The following MMP15 variants were observed in gnomAD, a reference collection of about 807,000 sequenced individuals.
MMP15 encodes the protein matrix metallopeptidase 15, also known as matrix metalloproteinase-15.
In MMP15, 36 loss-of-function variants were observed where a neutral mutation model predicts 65.0. That is an observed-to-expected ratio of 0.55 (90% CI 0.42 to 0.73). The LOEUF (loss-of-function observed/expected upper bound fraction) is 0.73, where lower values mean the gene tolerates loss of function less well. MMP15 is among the 30% of genes least tolerant of loss of function. The probability of loss-of-function intolerance (pLI) is 0.00; values close to 1 mark genes in which losing one functional copy is unlikely to be tolerated. For missense variants in MMP15, 870 were observed against 987.8 expected (o/e 0.88, Z 1.60); for synonymous variants, 428 against 410.2 (o/e 1.04, Z -0.52).
At position 58,043,588 on chromosome 16, in the gene MMP15, C is replaced by G; in HGVS notation, c.1531C>G (p.Pro511Ala). Residue 511 changes from proline (P) to alanine (A), a missense_variant, in exon 9 of 10, where the codon CCT (proline) becomes GCT (alanine). Pro to Ala is a conservative substitution (Grantham distance 27, BLOSUM62 -1). Coordinates refer to ENST00000219271, the MANE Select transcript of MMP15 (RefSeq NM_002428.4). ...GCCCATCAGTGTCTGGCAGGGGATC[C>G]CTGCCTCCCCTAAAGGGGCCTTCCT... ...PKPISVWQGIPASPKGAFLSN... is the reference protein window; with the variant it reads ...PKPISVWQGIAASPKGAFLSN... The G allele has an allele frequency of 6.2e-7, 1 of 1,613,448 alleles. No individual in the cohort carries two copies. Among genetic ancestry groups the G allele is most frequent in the Non-Finnish European group, 8.5e-7 (1 of 1,179,734 alleles).
intron 4 of MMP15, 118 bp from the exon 5 acceptor site, chr16:58,040,419 T>C: frequency 1.5e-6 from 2 of 1,314,588 alleles, no homozygotes; most frequent in Non-Finnish European, 2.1e-6. Context: ...GAGCTCAGCC[T>C]CTTCCAAGAG....
chr16:58,040,757 G>A lies in MMP15; in HGVS notation c.910+59G>A, dbSNP rs41353144. ...CGCTCTCAAGTCCCTGGCCAATGAG[G>A]AGTAGGCATTGCTGCCATCCCCATT... On this transcript the variant is annotated intron_variant, in intron 5 of 9. Transcript: ENST00000219271. The A allele has an allele frequency of 2.1e-3, 3,326 of 1,609,218 alleles. 12 individuals carry two copies. Among genetic ancestry groups the A allele is most frequent in the South Asian group, 3.5e-3 (319 of 91,018 alleles).
At chr16:58,029,103 C>T (rs1963863023) in intron 1 of MMP15, among the ~76,000 whole-genome samples, 2 of 152,330 alleles carry the variant, frequency 1.3e-5, no homozygotes, top group South Asian at 4.1e-4. Flanking sequence ...GGTGCCACCA[C>T]CACCAAAACC....
intron 3 of MMP15, among the ~76,000 whole-genome samples, chr16:58,039,270 TA>T (rs1158211651): frequency 1.3e-5 from 2 of 152,156 alleles, no homozygotes; most frequent in East Asian, 3.9e-4. Flanking sequence ...CCGTCTCTAC[TA>T]AAAATACAAA....
At chr16:58,031,963 G>A (rs952255515) in intron 1 of MMP15, among the ~76,000 whole-genome samples, 3 of 140,094 alleles carry the variant, frequency 2.1e-5, no homozygotes, top group African/African-American at 8.2e-5. Context: ...CGCCTCCCAG[G>A]TTCAGGCAAT....
In MMP15 at chr16:58,041,850, G is replaced by C; in HGVS notation, c.1144G>C (p.Gly382Arg). The change falls in exon 6 of 10, where the codon GGG becomes CGG. Residue 382 changes from glycine (G) to arginine (R), a missense_variant. Transcript: ENST00000219271. ...GDFDTVAMLRGEMFVFKGRWF... is the reference protein window; with the variant it reads ...GDFDTVAMLRREMFVFKGRWF... ...CTTTGACACAGTGGCCATGCTTCGC[G>C]GGGAGATGTTCGTGTTCAAGGTCTG... 6 of 1,599,044 alleles carry C rather than the reference G, an allele frequency of 3.8e-6. No individual in the cohort carries two copies. The highest frequency in any genetic ancestry group is 3.3e-4 in the Middle Eastern group (2 of 5,974).
intron 4 of MMP15, 97 bp downstream of exon 4, chr16:58,040,279 G>C (rs1959424850): frequency 7.7e-7 from 1 of 1,293,120 alleles, no homozygotes; most frequent in East Asian, 2.5e-5. Flanking sequence ...GGGGCTGGGA[G>C]GAGAGAGTTC....
At chr16:58,039,533 G>A (rs1959404867) in intron 3 of MMP15, among the ~76,000 whole-genome samples, 3 of 152,220 alleles carry the variant, frequency 2.0e-5, no homozygotes, top group Non-Finnish European at 2.9e-5. Flanking sequence ...GCCTGACCCT[G>A]GAGCTCAACA....
rs968164035 is a variant in MMP15, at chr16:58,040,586, G to T, written c.798G>T (p.Gly266=). ...TGCATGAGCTGGGCCACGCGCTGGG[G>T]CTGGAGCACTCCAGCAACCCCAATG... ...VAVHELGHAL[G]LEHSSNPNAI... is the part of the protein sequence containing the mutation. Residue 266 remains glycine (G), a synonymous_variant, in exon 5 of 10, where the codon GGG becomes GGT. Coordinates refer to ENST00000219271, the MANE Select transcript of MMP15 (RefSeq NM_002428.4). 6.2e-7 allele frequency: 1 copy of T among 1,614,090 alleles called. No individual in the cohort carries two copies. The highest frequency in any genetic ancestry group is 8.5e-7 in the Non-Finnish European group (1 of 1,180,044).
intron 5 of MMP15, 44 bp downstream of exon 5, chr16:58,040,742 T>G: frequency 1.9e-6 from 3 of 1,612,942 alleles, no homozygotes; most frequent in Non-Finnish European, 2.5e-6. Context: ...CGCTCTCAAG[T>G]CCCTGGCCAA....
chr16:58,035,301 G>T (rs575002167), intron 1 of MMP15, among the ~76,000 whole-genome samples: 1 of 152,202 alleles, frequency 6.6e-6, no homozygotes, highest in African/African-American at 2.4e-5. Context: ...GTGGGAATGC[G>T]CCCTGGGCCA....
Position 58,041,846 on chromosome 16 carries a change from T to C in MMP15, c.1140T>C (p.Leu380=), listed in dbSNP as rs761003171. The part of the protein sequence containing the change: ...CDGDFDTVAM[L]RGEMFVFKGR... ...GGGACTTTGACACAGTGGCCATGCT[T>C]CGCGGGGAGATGTTCGTGTTCAAGG... Residue 380 remains leucine (L), a synonymous_variant, in exon 6 of 10, where the codon CTT becomes CTC. Coordinates refer to ENST00000219271, the MANE Select transcript of MMP15 (RefSeq NM_002428.4). The C allele has an allele frequency of 1.2e-6, 2 of 1,601,006 alleles. No homozygotes were observed. Among genetic ancestry groups the C allele is most frequent in the Admixed American group, 1.7e-5 (1 of 57,408 alleles).
chr16:58,041,927 C>T, intron 6 of MMP15, 57 bp downstream of exon 6: 3 of 1,510,432 alleles, frequency 2.0e-6, no homozygotes, highest in Non-Finnish European at 2.7e-6. Context: ...GCTCTGGGCC[C>T]CCTGTCCCAC....
chr16:58,033,755 T>G (rs1297688986), intron 1 of MMP15, among the ~76,000 whole-genome samples: 1 of 152,194 alleles, frequency 6.6e-6, no homozygotes, highest in Non-Finnish European at 1.5e-5. Flanking sequence ...ATAGAAAAAT[T>G]AGCTGGGCAT....
chr16:58,032,996 C>T (rs1567428760), intron 1 of MMP15, among the ~76,000 whole-genome samples: 1 of 128,636 alleles, frequency 7.8e-6, no homozygotes, highest in Non-Finnish European at 1.8e-5. Flanking sequence ...GATCTGAGTG[C>T]TGGAGGAGCT....
chr16:58,038,443 G>GC (rs752711898), intron 3 of MMP15, 49 bp downstream of exon 3: 2 of 1,607,500 alleles, frequency 1.2e-6, no homozygotes, highest in Non-Finnish European at 1.7e-6. Context: ...GGCAGGCCGA[G>GC]CCTCAGACCT....
At chr16:58,041,219 T>C (rs1245583491) in intron 5 of MMP15, among the ~76,000 whole-genome samples, 1 of 152,050 alleles carries the variant, frequency 6.6e-6, no homozygotes, top group African/African-American at 2.4e-5. Flanking sequence ...CACCGAGCCC[T>C]CCTCGGGGCT....
chr16:58,026,394 G>T lies in MMP15; in HGVS notation c.44G>T (p.Gly15Val). 1 of 1,411,510 alleles carries T rather than the reference G, an allele frequency of 7.1e-7. No homozygotes were observed. The highest frequency in any genetic ancestry group is 9.2e-7 in the Non-Finnish European group (1 of 1,089,386). 87.4% of individuals were successfully genotyped at this position (1,411,510 alleles called of 1,614,324 possible). A position where few individuals can be genotyped will look rare whatever the true frequency, so the allele number is the denominator to read the frequency against. ...PSAPGRPGWT[G>V]SLLGDREEAA... ...GCGCCCGGACGGCCGGGCTGGACGG[G>T]CAGCCTCCTCGGCGACCGGGAGGAG... Residue 15 changes from glycine to valine, a missense_variant, in exon 1 of 10, where the codon GGC becomes GTC. Coordinates refer to ENST00000219271, the MANE Select transcript of MMP15 (RefSeq NM_002428.4).
At position 58,045,079 on chromosome 16, in the gene MMP15, AC is replaced by A; in HGVS notation, c.1647del (p.Lys550SerfsTer75). On this transcript the variant is annotated frameshift_variant, in exon 10 of 10. Coordinates refer to ENST00000219271, the MANE Select transcript of MMP15 (RefSeq NM_002428.4). LOFTEE classifies it low-confidence loss of function (END_TRUNC). The stretch of plus-strand genomic sequence containing the variant: ...GAGCGCCTGCGGATGGAGCCCGGCT[AC>A]CCCAAGTCCATCCTGCGGGACTTCA... ...DNERLRMEPG[Y>X]PKSILRDFMG... 1 of 1,612,916 alleles carries A rather than the reference AC, an allele frequency of 6.2e-7. No homozygotes were observed. The highest frequency in any genetic ancestry group is 1.3e-5 in the African/African-American group (1 of 75,020).
Sources: allele counts gnomAD v4.1 joint callset (sites outside exome capture counted in the v4.1 genomes callset), GRCh38; gene constraint gnomAD v4.1.1; transcripts MANE v1.5; gene names NCBI Gene and HGNC (gene_info 2026-07-23, HGNC 2026-07-21).